Variants in CEP128 observed in about 807,000 individuals in gnomAD.
CEP128 encodes centrosomal protein 128, also known as centrosomal protein 128kDa.
A neutral mutation model predicts 156.7 loss-of-function variants in CEP128; 132 were observed. That is an observed-to-expected ratio of 0.84 (90% CI 0.73 to 0.97). The LOEUF (loss-of-function observed/expected upper bound fraction) is 0.97. Among genes scored for constraint, CEP128 ranks in the 50% least tolerant of loss-of-function variants. The probability of loss-of-function intolerance (pLI) is 0.00; values close to 1 mark genes in which losing one functional copy is unlikely to be tolerated. For missense variants in CEP128, 1,252 were observed against 1,281.9 expected (o/e 0.98, Z 0.36); for synonymous variants, 469 against 448.9 (o/e 1.04, Z -0.57).
At chr14:80,812,624 A>C (rs1370472514) in intron 13 of CEP128, among the ~76,000 whole-genome samples, 1 of 152,122 alleles carries the variant, frequency 6.6e-6, no homozygotes, top group Non-Finnish European at 1.5e-5. Context: ...GCTGGAGTGC[A>C]ATGGCACGAT....
chr14:80,683,681 A>G (rs1896412327), intron 19 of CEP128, among the ~76,000 whole-genome samples: 2 of 152,202 alleles, frequency 1.3e-5, no homozygotes, highest in Admixed American at 1.3e-4. Context: ...TCTTCTGCAC[A>G]TGAAACACAC....
chr14:80,707,860 AC>A (rs1399132557), intron 19 of CEP128, among the ~76,000 whole-genome samples: 23 of 152,278 alleles, frequency 1.5e-4, no homozygotes, highest in Middle Eastern at 3.4e-3. Flanking sequence ...GGTATAACCC[AC>A]TAAGGATATA....
upstream of CEP128, among the ~76,000 whole-genome samples, chr14:80,945,320 T>C (rs1300875095): frequency 6.6e-6 from 1 of 152,178 alleles, no homozygotes; most frequent in African/African-American, 2.4e-5. Context: ...AACTACCTCC[T>C]TAAAGGTCCC....
chr14:80,886,275 G>C (rs1444308741), intron 8 of CEP128, among the ~76,000 whole-genome samples: 2 of 152,120 alleles, frequency 1.3e-5, no homozygotes, highest in Non-Finnish European at 1.5e-5. Flanking sequence ...AGAAAATACA[G>C]AGAACACCAC....
intron 19 of CEP128, among the ~76,000 whole-genome samples, chr14:80,705,098 CA>C (rs745932610): frequency 1.3e-3 from 186 of 145,008 alleles, no homozygotes; most frequent in Middle Eastern, 3.5e-3. Flanking sequence ...TTTATCCCAC[CA>C]AAAAAAAAAA....
chr14:80,777,596 T>A (rs927333847), intron 16 of CEP128, among the ~76,000 whole-genome samples: 3 of 152,224 alleles, frequency 2.0e-5, no homozygotes, highest in Admixed American at 6.5e-5. Context: ...TTATAGTAGA[T>A]CCTCAATAAA....
chr14:80,825,860 C>A (rs573846746), intron 13 of CEP128, among the ~76,000 whole-genome samples: 1 of 152,260 alleles, frequency 6.6e-6, no homozygotes, highest in African/African-American at 2.4e-5. Context: ...GTAATCCCAG[C>A]ACTTTGGAAG....
chr14:80,658,657 A>G (rs545341628), intron 19 of CEP128, among the ~76,000 whole-genome samples: 2 of 152,354 alleles, frequency 1.3e-5, no homozygotes, highest in South Asian at 4.1e-4. Flanking sequence ...TTAAAATAAG[A>G]ATGATGCAGA....
At chr14:80,630,955 G>A (rs1389329388) in intron 19 of CEP128, among the ~76,000 whole-genome samples, 1 of 151,968 alleles carries the variant, frequency 6.6e-6, no homozygotes, top group Non-Finnish European at 1.5e-5. Flanking sequence ...ATGGGCAACT[G>A]TAAAAGAAAA....
At chr14:80,571,844 C>CTTGAG (rs60466524) in intron 20 of CEP128, among the ~76,000 whole-genome samples, 85,553 of 151,286 alleles carry the variant, frequency 0.57, 24,432 homozygotes, top group East Asian at 0.72. Flanking sequence ...TTTCATTGCT[C>CTTGAG]TTAAGTATAG....
intron 9 of CEP128, among the ~76,000 whole-genome samples, chr14:80,850,851 T>C (rs1886854795): frequency 6.6e-6 from 1 of 152,216 alleles, no homozygotes; most frequent in Admixed American, 6.5e-5. Flanking sequence ...AAGTTGTCAG[T>C]ATAGTTTGAA....
chr14:80,733,356 G>GTC (rs1380090146), intron 19 of CEP128, among the ~76,000 whole-genome samples: 1 of 141,116 alleles, frequency 7.1e-6, no homozygotes, highest in East Asian at 1.9e-4. Flanking sequence ...GTGTGTGTGT[G>GTC]TGTGTGTGTG....
chr14:80,764,549 T>TC (rs1900144656), intron 16 of CEP128, among the ~76,000 whole-genome samples: 1 of 152,182 alleles, frequency 6.6e-6, no homozygotes, highest in African/African-American at 2.4e-5. Flanking sequence ...ATTATCCACT[T>TC]CACTATCCTC....
At chr14:80,683,213 T>G (rs1292877500) in intron 19 of CEP128, among the ~76,000 whole-genome samples, 1 of 152,122 alleles carries the variant, frequency 6.6e-6, no homozygotes, top group Non-Finnish European at 1.5e-5. Flanking sequence ...TCTGCTCTTT[T>G]CAACAGACCC....
chr14:80,582,445 A>C (rs927060983), intron 19 of CEP128, among the ~76,000 whole-genome samples: 2 of 152,174 alleles, frequency 1.3e-5, no homozygotes, highest in Non-Finnish European at 2.9e-5. Context: ...GCAGGTCTGG[A>C]TGGGACGAGA....
chr14:80,671,894 G>A lies in CEP128; in HGVS notation c.2806+71181C>T, dbSNP rs371028919. Reference sequence around the variant, plus strand: ...GGGGGGGTGGGGGGTAGTGGGGAACGTAGAGGGGACAGGTGGGGTAGAATT... The same window carrying A: ...GGGGGGGTGGGGGGTAGTGGGGAACATAGAGGGGACAGGTGGGGTAGAATT... On this transcript the variant is annotated intron_variant, in intron 19 of 24. Coordinates refer to ENST00000555265, the MANE Select transcript of CEP128 (RefSeq NM_152446.5). 1.2e-4 allele frequency among the ~76,000 whole-genome samples: 18 copies of A among 147,788 alleles called. No homozygotes were observed. The South Asian group carries it at 2.6e-3, about 21-fold the overall frequency.
At chr14:80,732,472 GT>G (rs1202669848) in intron 19 of CEP128, among the ~76,000 whole-genome samples, 13 of 6,136 alleles carry the variant, frequency 2.1e-3, no homozygotes, top group African/African-American at 0.019. Context: ...GATTAAGCAG[GT>G]GTGTGTGTGT....
chr14:80,536,250 C>T (rs888135515), intron 21 of CEP128, among the ~76,000 whole-genome samples: 4 of 152,046 alleles, frequency 2.6e-5, no homozygotes, highest in African/African-American at 9.7e-5. Context: ...ACAGATTTAA[C>T]CATAAATATA....
At chr14:80,510,398 T>A (rs191374816) in intron 23 of CEP128, among the ~76,000 whole-genome samples, 2 of 152,226 alleles carry the variant, frequency 1.3e-5, no homozygotes, top group East Asian at 3.9e-4. Flanking sequence ...GGATTCCTTT[T>A]TTTGATTTCT....
Sources: gnomAD v4.1 joint callset for allele counts (sites outside exome capture counted in the v4.1 genomes callset) on GRCh38, gnomAD v4.1.1 for gene constraint, MANE v1.5 for transcripts, NCBI Gene and HGNC (gene_info 2026-07-23, HGNC 2026-07-21) for gene names.